CEP97: variants seen among roughly 807,000 people sequenced by gnomAD.
The protein encoded by CEP97 is centrosomal protein of 97 kDa.
In CEP97, 43 loss-of-function variants were observed where a neutral mutation model predicts 73.1. The ratio of observed to expected loss-of-function variants is 0.59; its 90% CI spans 0.46 to 0.76. CEP97 has a LOEUF of 0.76. Among genes scored for constraint, CEP97 ranks in the 30% least tolerant of loss-of-function variants. CEP97 has a pLI of 0.00. For synonymous variants in CEP97, 337 were observed against 370.0 expected (o/e 0.91, Z 1.02); for missense variants, 939 against 1,014.0 (o/e 0.93, Z 1.00).
chr3:101,726,957 G>C (rs1333852459), intron 2 of CEP97, among the ~76,000 whole-genome samples: 1 of 152,088 alleles, frequency 6.6e-6, no homozygotes, highest in Non-Finnish European at 1.5e-5. Flanking sequence ...ATTTTATTTT[G>C]CAAAATACTG....
In CEP97 at chr3:101,765,420, G is replaced by A. The variant is rs775871740; in HGVS notation, c.2467G>A (p.Gly823Ser). 6.2e-7 allele frequency: 1 copy of A among 1,613,956 alleles called. No individual in the cohort carries two copies. The highest frequency in any genetic ancestry group is 1.3e-5 in the African/African-American group (1 of 74,900). ...SDGASVDESH[G>S]ISPPLQGEIS... ...CGGTGCTTCTGTAGATGAGAGTCATGGCATATCTCCTCCTTTGCAAGGTGA... is the reference window on the plus strand; with the variant it reads ...CGGTGCTTCTGTAGATGAGAGTCATAGCATATCTCCTCCTTTGCAAGGTGA... Residue 823 changes from glycine (G) to serine (S), a missense_variant, in exon 11 of 11, where the codon GGC becomes AGC. Physicochemically the swap from Gly to Ser is moderately conservative, Grantham distance 56. Transcript: ENST00000341893.
At chr3:101,740,774 A>C (rs1023497254) in intron 6 of CEP97, among the ~76,000 whole-genome samples, 1 of 152,122 alleles carries the variant, frequency 6.6e-6, no homozygotes, top group African/African-American at 2.4e-5. Context: ...TTTTTAGTAG[A>C]GATGGGGTTT....
At chr3:101,764,476 T>C (rs1422449613) in intron 10 of CEP97, among the ~76,000 whole-genome samples, 1 of 151,970 alleles carries the variant, frequency 6.6e-6, no homozygotes, top group Non-Finnish European at 1.5e-5. Context: ...CCAGGTGTGA[T>C]GGTGGGTGCC....
At chr3:101,728,640 T>G (rs181064883) in intron 3 of CEP97, among the ~76,000 whole-genome samples, 196 bp from the exon 4 acceptor site, 1 of 152,232 alleles carries the variant, frequency 6.6e-6, no homozygotes, top group Admixed American at 6.5e-5. Context: ...CATAGAGAGA[T>G]AATGAAAGTG....
At chr3:101,747,917 G>A (rs1412338192) in intron 6 of CEP97, among the ~76,000 whole-genome samples, 1 of 151,178 alleles carries the variant, frequency 6.6e-6, no homozygotes. Flanking sequence ...GAAGTCAGCA[G>A]TTCAAGACCA....
intron 1 of CEP97, among the ~76,000 whole-genome samples, chr3:101,726,118 A>G (rs887921283): frequency 6.6e-6 from 1 of 152,166 alleles, no homozygotes; most frequent in Non-Finnish European, 1.5e-5. Flanking sequence ...TTTAATTCTC[A>G]TATCAAGCTA....
At chr3:101,757,300 T>A in intron 8 of CEP97, 104 bp downstream of exon 8, 2 of 1,280,536 alleles carry the variant, frequency 1.6e-6, no homozygotes, top group Non-Finnish European at 2.1e-6. Flanking sequence ...TTTGTTAGTT[T>A]ACTAACTTCA....
Position 101,768,665 on chromosome 3 carries a change from C to T in CEP97, c.*3114C>T, listed in dbSNP as rs1019017913. 5 of 152,110 alleles carry T rather than the reference C, an allele frequency of 3.3e-5. No individual in the cohort carries two copies. The highest frequency in any genetic ancestry group is 7.4e-5 in the Non-Finnish European group (5 of 68,018). 9.4% of individuals were successfully genotyped at this position (152,110 alleles called of 1,614,324 possible). ...AGCCTGGACAACATAGCAAGACCCC[C>T]CTCTCTACAAAAAAAATTTTTTTCT... On this transcript the variant is annotated 3_prime_UTR_variant, in exon 11 of 11. Transcript: ENST00000341893.
rs1393931496 is a variant in CEP97, at chr3:101,727,496, A to T, written c.300A>T (p.Glu100Asp). The T allele has an allele frequency of 9.9e-6, 16 of 1,613,080 alleles. No individual in the cohort carries two copies. Among genetic ancestry groups the T allele is most frequent in the East Asian group, 2.2e-5 (1 of 44,836 alleles). ...TTGGCTGTGTGGAAGGGCTAAAGGA[A>T]CTAGTACATCTGGAATGGCTGAATT... ...NSIGCVEGLK[E>D]LVHLEWLNLA... The change falls in exon 3 of 11, where the codon GAA becomes GAT. Residue 100 changes from glutamate to aspartate, a missense_variant. Transcript: ENST00000341893.
At chr3:101,751,865 CA>C (rs1354798295) in intron 6 of CEP97, among the ~76,000 whole-genome samples, 2 of 152,118 alleles carry the variant, frequency 1.3e-5, no homozygotes, top group East Asian at 3.9e-4. Flanking sequence ...ACTTTTTATC[CA>C]ATTTGCCAGT....
intron 6 of CEP97, among the ~76,000 whole-genome samples, chr3:101,755,056 G>GT (rs955659722): frequency 1.3e-3 from 198 of 146,832 alleles, no homozygotes; most frequent in Admixed American, 2.2e-3. Flanking sequence ...TGCCCGGCTA[G>GT]TTTTTTTTTT....
chr3:101,742,751 G>T (rs1047618953), intron 6 of CEP97, among the ~76,000 whole-genome samples: 2 of 150,704 alleles, frequency 1.3e-5, no homozygotes, highest in African/African-American at 2.4e-5. Flanking sequence ...AAAAAAAAGT[G>T]TGGGAAGAAG....
chr3:101,732,722 T>TA (rs1175477597), intron 6 of CEP97, 68 bp downstream of exon 6: 2 of 1,349,366 alleles, frequency 1.5e-6, no homozygotes, highest in Non-Finnish European at 2.0e-6. Flanking sequence ...TACAGATTAA[T>TA]AGAGTATTTC....
chr3:101,749,348 T>C (rs1038187056), intron 6 of CEP97, among the ~76,000 whole-genome samples: 3 of 148,768 alleles, frequency 2.0e-5, no homozygotes, highest in African/African-American at 7.4e-5. Context: ...GGCTGCATAG[T>C]ATTCCATGGT....
rs914102451 is a variant in CEP97 at position 101,757,122 on chromosome 3, C to T, written c.953C>T (p.Pro318Leu). 6.2e-7 allele frequency: 1 copy of T among 1,613,352 alleles called. No homozygotes were observed. Among genetic ancestry groups the T allele is most frequent in the African/African-American group, 1.3e-5 (1 of 74,880 alleles). ...SQNEELSPLV[P>L]VETRASLIPE... is the part of the protein sequence containing the mutation. ...AATGAAGAGTTGTCTCCTCTTGTTC[C>T]TGTTGAAACAAGGGCATCCCTTATT... Residue 318 changes from proline to leucine, a missense_variant, in exon 8 of 11, where the codon CCT becomes CTT. Coordinates refer to ENST00000341893, the MANE Select transcript of CEP97 (RefSeq NM_024548.4).
intron 6 of CEP97, among the ~76,000 whole-genome samples, chr3:101,751,591 G>T (rs959447314): frequency 6.6e-6 from 1 of 152,148 alleles, no homozygotes; most frequent in East Asian, 1.9e-4. Context: ...ATGAATCTGG[G>T]TGCTCCTGTA....
rs151291975 is a variant in CEP97, at chr3:101,755,585, G to A, written c.884G>A (p.Ser295Asn). ...GATGCCAAACTAGAGAAGATTTTGA[G>A]CAAACAGAGGTAAGCCCATTTATTT... ...AEDAKLEKIL[S>N]KQRFHQRQLM... The change falls in exon 7 of 11, where the codon AGC (serine) becomes AAC (asparagine). Residue 295 changes from serine to asparagine, a missense_variant. Physicochemically the swap from Ser to Asn is conservative, Grantham distance 46 (BLOSUM62 1). Coordinates refer to ENST00000341893, the MANE Select transcript of CEP97 (RefSeq NM_024548.4). 2.7e-4 allele frequency: 431 copies of A among 1,613,890 alleles called. 1 individual carries two copies. Among genetic ancestry groups the A allele is most frequent in the Non-Finnish European group, 3.5e-4 (418 of 1,179,940 alleles).
At chr3:101,750,985 G>C (rs1201170654) in intron 6 of CEP97, among the ~76,000 whole-genome samples, 2 of 152,060 alleles carry the variant, frequency 1.3e-5, no homozygotes, top group Non-Finnish European at 2.9e-5. Context: ...TGCTTTTCTA[G>C]TTCTTTTAAT....
chr3:101,759,248 A>G (rs1939105249), intron 9 of CEP97: 1 of 152,226 alleles, frequency 6.6e-6, no homozygotes, highest in African/African-American at 2.4e-5. Context: ...AGAATCAGTA[A>G]AGAAAAAAGG....
Sources: gnomAD v4.1 joint callset for allele counts (sites outside exome capture counted in the v4.1 genomes callset) on GRCh38, gnomAD v4.1.1 for gene constraint, MANE v1.5 for transcripts, NCBI Gene and HGNC (gene_info 2026-07-23, HGNC 2026-07-21) for gene names.